The following RTL4 variants were observed in gnomAD, a reference collection of about 807,000 sequenced individuals.
The protein encoded by RTL4 is retrotransposon Gag-like protein 4.
RTL4 carries 4 observed loss-of-function variants against 5.3 expected under a neutral mutation model. That is an observed-to-expected ratio of 0.75 (90% CI 0.37 to 1.72). RTL4 has a LOEUF of 1.72. Ranked by LOEUF, RTL4 falls within the 40% of genes most tolerant of loss-of-function variation. The pLI, the probability that RTL4 is intolerant of heterozygous loss-of-function variation, is 0.04. For missense variants in RTL4, 260 were observed against 227.1 expected (o/e 1.14, Z -0.93); for synonymous variants, 98 against 87.3 (o/e 1.12, Z -0.68).
the RTL4 span, among the ~76,000 whole-genome samples, chrX:112,174,326 G>A: frequency 4.2e-5 from 4 of 96,136 alleles, no homozygotes; most frequent in South Asian, 2.3e-3. Flanking sequence ...GTGAGAACAT[G>A]CAGTGTTTGG....
chrX:112,258,135 T>C, the RTL4 span, among the ~76,000 whole-genome samples: 2 of 110,578 alleles, frequency 1.8e-5, no homozygotes, highest in Non-Finnish European at 3.8e-5. Flanking sequence ...TTAATTTTAT[T>C]TTAAAAAGTT....
chrX:112,375,315 T>C, the RTL4 span, among the ~76,000 whole-genome samples: 1 of 110,693 alleles, frequency 9.0e-6, no homozygotes, highest in African/African-American at 3.3e-5. Context: ...TTGTCTCAAG[T>C]GGTTCTCAGG....
chrX:112,218,949 G>A, the RTL4 span, among the ~76,000 whole-genome samples: 1 of 111,729 alleles, frequency 9.0e-6, no homozygotes, highest in Admixed American at 9.6e-5. Context: ...CTTCTTAAAT[G>A]CATTTTAGGA....
the RTL4 span, among the ~76,000 whole-genome samples, chrX:112,130,791 G>GTT: frequency 4.1e-3 from 366 of 88,883 alleles, 4 homozygotes; most frequent in Middle Eastern, 6.1e-3. Flanking sequence ...ATGGGTGTGG[G>GTT]TTTTTTTTTT....
the RTL4 span, among the ~76,000 whole-genome samples, chrX:112,392,396 G>T: frequency 9.0e-6 from 1 of 111,717 alleles, no homozygotes; most frequent in African/African-American, 3.3e-5. Flanking sequence ...TTAGTAACTG[G>T]AGGTATCAAT....
chrX:112,257,873 G>GTA, the RTL4 span, among the ~76,000 whole-genome samples: 18,550 of 102,463 alleles, frequency 0.18, 1,331 homozygotes, highest in African/African-American at 0.24. Flanking sequence ...TCAAAACTGT[G>GTA]TATATATATA....
chrX:112,267,673 T>A, the RTL4 span, among the ~76,000 whole-genome samples: 2 of 111,599 alleles, frequency 1.8e-5, no homozygotes, highest in Non-Finnish European at 3.8e-5. Flanking sequence ...GAATTCCCCA[T>A]CTTCAACTCC....
chrX:112,438,622 C>T, the RTL4 span, among the ~76,000 whole-genome samples: 1 of 112,609 alleles, frequency 8.9e-6, no homozygotes, highest in Admixed American at 9.4e-5. Context: ...TCCAGGGGAA[C>T]AAACTCTTCT....
At chrX:112,134,430 G>T in the RTL4 span, among the ~76,000 whole-genome samples, 1 of 112,054 alleles carries the variant, frequency 8.9e-6, no homozygotes, top group East Asian at 2.8e-4. Flanking sequence ...TTGCAGAAAC[G>T]GACATCTCAC....
the RTL4 span, among the ~76,000 whole-genome samples, chrX:112,402,980 T>A: frequency 8.9e-6 from 1 of 111,826 alleles, no homozygotes; most frequent in African/African-American, 3.2e-5. Flanking sequence ...GAATTTGTTT[T>A]GAGTAATTTA....
chrX:112,190,265 G>A, the RTL4 span, among the ~76,000 whole-genome samples: 1 of 105,013 alleles, frequency 9.5e-6, no homozygotes, highest in Non-Finnish European at 1.9e-5. Flanking sequence ...CTCAGTAAAT[G>A]TTTATTTATT....
chrX:112,296,140 A>G, the RTL4 span, among the ~76,000 whole-genome samples: 2 of 110,864 alleles, frequency 1.8e-5, no homozygotes, highest in Non-Finnish European at 3.8e-5. Flanking sequence ...TGTCACTGCC[A>G]CTGATCCTTC....
the RTL4 span, among the ~76,000 whole-genome samples, chrX:112,305,835 C>T: frequency 1.8e-5 from 2 of 111,917 alleles, no homozygotes; most frequent in African/African-American, 6.5e-5. Context: ...GCCTTCTTTG[C>T]GAAGCTGCAC....
the RTL4 span, among the ~76,000 whole-genome samples, chrX:112,109,298 C>T: frequency 8.9e-6 from 1 of 111,771 alleles, no homozygotes; most frequent in Non-Finnish European, 1.9e-5. Flanking sequence ...AAGCCGCAGA[C>T]CTTTGTGGTG....
the RTL4 span, among the ~76,000 whole-genome samples, chrX:112,228,926 T>G: frequency 7.0e-4 from 79 of 112,288 alleles, no homozygotes; most frequent in South Asian, 1.5e-3. Context: ...ACCAAGCAAC[T>G]GCACCCACAG....
chrX:112,094,597 A>G, the RTL4 span, among the ~76,000 whole-genome samples: 1 of 111,043 alleles, frequency 9.0e-6, no homozygotes, highest in African/African-American at 3.3e-5. Context: ...TGAGCTGTGG[A>G]GTTGTTCAGT....
At chrX:112,450,051 A>G (rs1926708389), upstream of RTL4, among the ~76,000 whole-genome samples, 1 of 112,163 alleles carries the variant, frequency 8.9e-6, no homozygotes, top group South Asian at 3.7e-4. Context: ...AGAGTAAAAT[A>G]TACAACTGCT....
the RTL4 span, among the ~76,000 whole-genome samples, chrX:112,335,365 G>T: frequency 9.0e-6 from 1 of 111,337 alleles, no homozygotes; most frequent in Non-Finnish European, 1.9e-5. Context: ...TCTCCTAAAA[G>T]AAAGAAAGAA....
the RTL4 span, among the ~76,000 whole-genome samples, chrX:112,254,632 C>T: frequency 9.2e-6 from 1 of 108,642 alleles, no homozygotes; most frequent in Non-Finnish European, 1.9e-5. Context: ...TGGCCACCTT[C>T]TTTTTACTTT....
Sources: gnomAD v4.1 joint callset for allele counts (sites outside exome capture counted in the v4.1 genomes callset) on GRCh38, gnomAD v4.1.1 for gene constraint, MANE v1.5 for transcripts, NCBI Gene and HGNC (gene_info 2026-07-23, HGNC 2026-07-21) for gene names.